Variants in GABRG3 observed in about 807,000 individuals in gnomAD.
GABRG3 encodes the protein gamma-aminobutyric acid receptor subunit gamma-3.
Under a neutral mutation model 48.8 loss-of-function variants are expected in GABRG3, and 25 were observed. The ratio of observed to expected loss-of-function variants is 0.51; its 90% CI spans 0.37 to 0.72. The LOEUF (loss-of-function observed/expected upper bound fraction) is 0.72. Ranked by LOEUF, GABRG3 falls within the 30% of genes least tolerant of loss-of-function variation. The probability of loss-of-function intolerance (pLI) is 0.00; values close to 1 mark genes in which losing one functional copy is unlikely to be tolerated. For missense variants in GABRG3, 394 were observed against 577.9 expected (o/e 0.68, Z 3.26); for synonymous variants, 227 against 217.6 (o/e 1.04, Z -0.38).
chr15:27,003,858 C>T (rs1895513498), intron 2 of GABRG3, among the ~76,000 whole-genome samples: 2 of 142,110 alleles, frequency 1.4e-5, no homozygotes, highest in African/African-American at 5.4e-5. Flanking sequence ...GGGGGGCTGA[C>T]CCCCCCACCT....
intron 2 of GABRG3, among the ~76,000 whole-genome samples, chr15:26,992,155 A>G (rs991392272): frequency 8.5e-5 from 13 of 152,256 alleles, no homozygotes; most frequent in Non-Finnish European, 1.3e-4. Flanking sequence ...TCTTCCAAAT[A>G]TAAGATCATA....
chr15:27,154,842 A>C (rs1463238144), intron 3 of GABRG3, among the ~76,000 whole-genome samples: 1 of 152,090 alleles, frequency 6.6e-6, no homozygotes, highest in Non-Finnish European at 1.5e-5. Context: ...GGGGCTTCAT[A>C]AAATTAATTA....
intron 3 of GABRG3, among the ~76,000 whole-genome samples, chr15:27,138,026 T>C (rs1898039812): frequency 1.3e-5 from 2 of 152,232 alleles, no homozygotes; most frequent in South Asian, 4.1e-4. Context: ...TTGTGCTCAT[T>C]TAACTTGTTA....
chr15:27,113,172 A>T (rs1653111507), intron 3 of GABRG3, among the ~76,000 whole-genome samples: 1 of 150,618 alleles, frequency 6.6e-6, no homozygotes. Flanking sequence ...TCCAACAGTT[A>T]TTTTTTTTCT....
At position 27,180,124 on chromosome 15, in the gene GABRG3, CAG is replaced by C. The variant is rs1887880178; in HGVS notation, c.271-146682_271-146681del. Among the ~76,000 whole-genome samples the C allele has an allele frequency of 6.6e-6, 1 of 152,038 alleles. No individual in the cohort carries two copies. The highest frequency in any genetic ancestry group is 2.4e-5 in the African/African-American group (1 of 41,306). On this transcript the variant is annotated intron_variant, in intron 3 of 9. Coordinates refer to ENST00000615808, the MANE Select transcript of GABRG3 (RefSeq NM_033223.5). The surrounding 1 kb of genome is among the most constrained non-coding windows in gnomAD (Gnocchi z 4.2). Reference sequence around the variant, plus strand: ...CTCGTTGCACTTGTTTTACCAATCACAGAGCTCACAAAGAAGTTGTCCAGGCC... The same window carrying C: ...CTCGTTGCACTTGTTTTACCAATCACAGCTCACAAAGAAGTTGTCCAGGCC...
chr15:27,523,672 AAAG>A (rs1386403121), intron 7 of GABRG3, among the ~76,000 whole-genome samples: 2 of 151,982 alleles, frequency 1.3e-5, no homozygotes, highest in South Asian at 2.1e-4. Flanking sequence ...TAGAGGATAT[AAAG>A]AAGAACTCAA....
intron 3 of GABRG3, among the ~76,000 whole-genome samples, chr15:27,265,911 G>C (rs1406945190): frequency 9.6e-6 from 1 of 103,760 alleles, no homozygotes; most frequent in Non-Finnish European, 1.7e-5. Context: ...AGTGACCTTC[G>C]CTCTTGTTGC....
intron 6 of GABRG3, among the ~76,000 whole-genome samples, chr15:27,516,793 G>A (rs1017469108): frequency 2.0e-5 from 3 of 152,334 alleles, no homozygotes; most frequent in East Asian, 1.9e-4. Flanking sequence ...CCACTGTGAC[G>A]TTTCAAAACA....
At chr15:27,466,186 C>T (rs192094277) in intron 5 of GABRG3, among the ~76,000 whole-genome samples, 5 of 152,242 alleles carry the variant, frequency 3.3e-5, no homozygotes, top group East Asian at 1.9e-4. Context: ...AAACAGTGGG[C>T]GAAGGGCTTG....
At chr15:27,246,840 A>G (rs1294415147) in intron 3 of GABRG3, among the ~76,000 whole-genome samples, 9 of 152,210 alleles carry the variant, frequency 5.9e-5, no homozygotes, top group Non-Finnish European at 1.3e-4. Context: ...CATAACAAAA[A>G]CAGTGTGACC....
intron 3 of GABRG3, among the ~76,000 whole-genome samples, chr15:27,072,288 G>T (rs1896841700): frequency 6.6e-6 from 1 of 152,086 alleles, no homozygotes; most frequent in Non-Finnish European, 1.5e-5. Context: ...AACATTGTGA[G>T]GTACATCAAC....
chr15:27,061,459 T>TG (rs1028932747), intron 3 of GABRG3, among the ~76,000 whole-genome samples: 1 of 152,112 alleles, frequency 6.6e-6, no homozygotes, highest in African/African-American at 2.4e-5. Context: ...TTTTTTTTTT[T>TG]TTGTTAAAAT....
chr15:27,013,338 G>A (rs7172672), intron 2 of GABRG3, among the ~76,000 whole-genome samples: 74,519 of 151,830 alleles, frequency 0.49, 19,008 homozygotes, highest in Middle Eastern at 0.62. Flanking sequence ...TTCCTTCTAC[G>A]TCTTGGCTAT....
intron 3 of GABRG3, chr15:27,271,429 G>A: frequency 2.5e-6 from 1 of 393,444 alleles, no homozygotes; most frequent in Non-Finnish European, 5.1e-6. Context: ...TGGTATGCCA[G>A]GTGCTGCAGA....
intron 5 of GABRG3, among the ~76,000 whole-genome samples, chr15:27,349,455 C>A (rs1263579658): frequency 1.3e-5 from 2 of 152,140 alleles, no homozygotes; most frequent in African/African-American, 2.4e-5. Flanking sequence ...AAGAGACACT[C>A]TTCTAGACTA....
chr15:27,330,894 G>A (rs533157237), intron 5 of GABRG3, among the ~76,000 whole-genome samples: 1 of 152,206 alleles, frequency 6.6e-6, no homozygotes, highest in South Asian at 2.1e-4. Context: ...GGAGCCAGGG[G>A]GTGGACAGTC....
At position 27,415,528 on chromosome 15, in the gene GABRG3, C is replaced by T. The variant is rs542468980; in HGVS notation, c.575-65122C>T. Among the ~76,000 whole-genome samples the T allele has an allele frequency of 6.0e-5, 9 of 151,238 alleles. No individual in the cohort carries two copies. The South Asian group carries it at 6.4e-4, about 11-fold the overall frequency. ...GAATGATATGATGGACTCTGGGGAC[C>T]GGGGGAAAGGGTGGGAGGGGGATGA... On this transcript the variant is annotated intron_variant, in intron 5 of 9. Transcript: ENST00000615808.
At position 27,352,641 on chromosome 15, in the gene GABRG3, GC is replaced by G. The variant is rs1417947691; in HGVS notation, c.574+23758del. Among the ~76,000 whole-genome samples the G allele has an allele frequency of 6.6e-6, 1 of 152,186 alleles. No individual in the cohort carries two copies. Among genetic ancestry groups the G allele is most frequent in the Non-Finnish European group, 1.5e-5 (1 of 68,002 alleles). ...TGCCCCGGGGAGGCAGGCCAAGGAA[GC>G]CCCCTGCCAAGGCAGCAGCCACATA... On this transcript the variant is annotated intron_variant, in intron 5 of 9. Transcript: ENST00000615808. This position sits in a 1 kb window ranked among gnomAD's most constrained non-coding sequence, Gnocchi z 4.0.
At chr15:27,035,997 G>T (rs1336650572) in intron 3 of GABRG3, among the ~76,000 whole-genome samples, 1 of 152,200 alleles carries the variant, frequency 6.6e-6, no homozygotes, top group African/African-American at 2.4e-5. Context: ...CATCCTAACA[G>T]CATTTGCTAA....
Sources: gnomAD v4.1 joint callset for allele counts (sites outside exome capture counted in the v4.1 genomes callset) on GRCh38, gnomAD v4.1.1 for gene constraint, Gnocchi (gnomAD v3.1) non-coding constraint, MANE v1.5 for transcripts, NCBI Gene and HGNC (gene_info 2026-07-23, HGNC 2026-07-21) for gene names.